TEF: variants seen among roughly 807,000 people sequenced by gnomAD.
TEF encodes the protein thyrotroph embryonic factor.
A neutral mutation model predicts 20.8 loss-of-function variants in TEF; 3 were observed. The ratio of observed to expected loss-of-function variants is 0.14; its 90% confidence interval spans 0.07 to 0.37. TEF has a LOEUF of 0.37. TEF is among the 10% of genes least tolerant of loss of function. TEF has a pLI of 1.00. For synonymous variants in TEF, 180 were observed against 171.1 expected (o/e 1.05, Z -0.41); for missense variants, 296 against 397.9 (o/e 0.74, Z 2.18).
chr22:41,382,950 C>T, intron 1 of TEF: 1 of 471,074 alleles, frequency 2.1e-6, no homozygotes, highest in Non-Finnish European at 4.4e-6. Flanking sequence ...ATCTTTTTGC[C>T]TAGGCCAGGA....
chr22:41,381,256 G>C (rs1485834156), upstream of TEF, among the ~76,000 whole-genome samples: 2 of 152,302 alleles, frequency 1.3e-5, no homozygotes, highest in East Asian at 3.9e-4. Context: ...TCCCTGCCCC[G>C]CGACCCTGGG....
chr22:41,387,983 CTTTTTTTTTTTTT>C (rs530707936), intron 2 of TEF, among the ~76,000 whole-genome samples: 943 of 50,104 alleles, frequency 0.019, 11 homozygotes, highest in Middle Eastern at 0.11. Context: ...CAATGCTGCT[CTTTTTTTTTTTTT>C]TTTTTTTTTT....
Position 41,381,980 on chromosome 22 carries a change from C to A in TEF, c.-65C>A, listed in dbSNP as rs549276384. 17 of 1,227,280 alleles carry A rather than the reference C, an allele frequency of 1.4e-5. No homozygotes were observed. The African/African-American group carries it at 1.7e-4, about 12-fold the overall frequency. 76.0% of individuals were successfully genotyped at this position (1,227,280 alleles called of 1,614,324 possible). On this transcript the variant is annotated 5_prime_UTR_variant, in exon 1 of 4. Coordinates refer to ENST00000266304, the MANE Select transcript of TEF (RefSeq NM_003216.4). The stretch of plus-strand genomic sequence containing the variant: ...GTGTCGGCAGCTGCAGCGGGTCGCA[C>A]GGCTCCGGCCCATCTCGGGGGGCGG...
At chr22:41,384,134 G>A (rs1217539213) in intron 1 of TEF, among the ~76,000 whole-genome samples, 1 of 152,236 alleles carries the variant, frequency 6.6e-6, no homozygotes, top group Admixed American at 6.5e-5. Context: ...GGGAGTCCAT[G>A]TGTGGCTGGT....
exon 1 of TEF, chr22:41,367,509 G>T: frequency 1.3e-6 from 2 of 1,550,062 alleles, no homozygotes; most frequent in South Asian, 1.2e-5. Context: ...TGTGAGCTGC[G>T]ACTGGTTCTC....
At chr22:41,369,967 A>T (rs2036862239) in intron 1 of TEF, 1 of 985,322 alleles carries the variant, frequency 1.0e-6, no homozygotes, top group South Asian at 4.7e-5. Context: ...GCTTCGGCAC[A>T]CATTTAGGTC....
chr22:41,374,409 G>T (rs779547871), intron 1 of TEF, among the ~76,000 whole-genome samples: 19 of 152,100 alleles, frequency 1.2e-4, no homozygotes, highest in Non-Finnish European at 2.5e-4. Flanking sequence ...AAAATTAGCC[G>T]GGCGTGGTGG....
intron 2 of TEF, among the ~76,000 whole-genome samples, chr22:41,389,410 A>G (rs888232716): frequency 6.6e-6 from 1 of 151,882 alleles, no homozygotes; most frequent in African/African-American, 2.4e-5. Flanking sequence ...CAAAGAAAAA[A>G]AAAGATCGAG....
At chr22:41,380,228 T>C (rs182063389), upstream of TEF, among the ~76,000 whole-genome samples, 366 of 152,328 alleles carry the variant, frequency 2.4e-3, no homozygotes, top group African/African-American at 8.4e-3. Flanking sequence ...CTCGGCTCCC[T>C]GAAACCTCCA....
At chr22:41,383,286 C>T (rs2037058238) in intron 1 of TEF, among the ~76,000 whole-genome samples, 1 of 152,132 alleles carries the variant, frequency 6.6e-6, no homozygotes, top group Non-Finnish European at 1.5e-5. Flanking sequence ...CAGGTGAGGC[C>T]AGCCTCTCTC....
At chr22:41,374,444 C>T (rs553780614) in intron 1 of TEF, among the ~76,000 whole-genome samples, 3 of 151,734 alleles carry the variant, frequency 2.0e-5, no homozygotes, top group African/African-American at 2.4e-5. Context: ...CCCAGCTACT[C>T]GGTAGGCTGA....
chr22:41,376,322 C>T (rs143161083), intron 1 of TEF, among the ~76,000 whole-genome samples: 250 of 152,270 alleles, frequency 1.6e-3, no homozygotes, highest in African/African-American at 5.7e-3. Context: ...CCGCAACTTC[C>T]GCCTCCTGGG....
At position 41,369,191 on chromosome 22, in the gene TEF, T is replaced by C. The variant is rs1010782720; in HGVS notation, c.67+1592T>C. 4.1e-6 allele frequency: 4 copies of C among 985,086 alleles called. No individual in the cohort carries two copies. In the African/African-American group the frequency reaches 7.0e-5, roughly 17 times the overall value. 61.0% of individuals were successfully genotyped at this position (985,086 alleles called of 1,614,324 possible). A position where few individuals can be genotyped will look rare whatever the true frequency, so the allele number is the denominator to read the frequency against. On this transcript the variant is annotated intron_variant, in intron 1 of 3. Transcript: ENST00000406644. ...GATGAGGATAACAAGGCCTTTGAAG[T>C]GTGGCAGCAGCTGCCGGTCTCTGGC...
In TEF at chr22:41,382,786, G is replaced by C. The variant is rs892547480; in HGVS notation, c.157+585G>C. On this transcript the variant is annotated intron_variant, in intron 1 of 3. Transcript: ENST00000266304. ...GCGGGGCTTCTGCTGAGCGGGTGGG[G>C]GGGGTGTGGGCGAGTAGTGTGAGGC... The C allele has an allele frequency of 2.9e-5, 12 of 407,880 alleles. No individual in the cohort carries two copies. The East Asian group carries it at 4.3e-4, about 15-fold the overall frequency. The allele number at this position is 407,880 out of a possible 1,614,324, so 25.3% of individuals were successfully genotyped here.
At chr22:41,392,950 G>A (rs543562449) in intron 2 of TEF, among the ~76,000 whole-genome samples, 14 of 151,862 alleles carry the variant, frequency 9.2e-5, no homozygotes, top group South Asian at 4.2e-4. Flanking sequence ...GTCGGGAATC[G>A]GTTGAACCCG....
chr22:41,396,052 A>C lies in TEF; in HGVS notation c.*92A>C. 1 of 1,389,704 alleles carries C rather than the reference A, an allele frequency of 7.2e-7. No individual in the cohort carries two copies. Among genetic ancestry groups the C allele is most frequent in the Non-Finnish European group, 9.8e-7 (1 of 1,017,100 alleles). 86.1% of individuals were successfully genotyped at this position (1,389,704 alleles called of 1,614,324 possible). On this transcript the variant is annotated 3_prime_UTR_variant, in exon 4 of 4. Coordinates refer to ENST00000266304, the MANE Select transcript of TEF (RefSeq NM_003216.4). ...CCCCTCACACGCGTGGAGACTTATG[A>C]CTCGTCGTGGGCGCATGGCGGCGCA...
At chr22:41,382,727 G>A (rs2037050027) in intron 1 of TEF, among the ~76,000 whole-genome samples, 1 of 151,952 alleles carries the variant, frequency 6.6e-6, no homozygotes, top group African/African-American at 2.4e-5. Flanking sequence ...TGTGAGTAGC[G>A]CCAGCTACTA....
chr22:41,393,111 C>G (rs189812281), intron 2 of TEF, among the ~76,000 whole-genome samples: 117 of 151,914 alleles, frequency 7.7e-4, no homozygotes, highest in African/African-American at 2.6e-3. Context: ...GAGGCTGAAG[C>G]AGGAAGATCA....
At chr22:41,385,166 C>T (rs1031833533) in intron 1 of TEF, among the ~76,000 whole-genome samples, 8 of 152,008 alleles carry the variant, frequency 5.3e-5, no homozygotes, top group African/African-American at 1.4e-4. Context: ...GAGTTCAAGA[C>T]AAGCCTGACC....
Sources: allele counts gnomAD v4.1 joint callset (sites outside exome capture counted in the v4.1 genomes callset), GRCh38; gene constraint gnomAD v4.1.1; transcripts MANE v1.5; gene names NCBI Gene and HGNC (gene_info 2026-07-23, HGNC 2026-07-21).